CENPW: variants seen among roughly 807,000 people sequenced by gnomAD.
CENPW encodes the protein cancer-up-regulated gene 2 protein.
CENPW carries 3 observed loss-of-function variants against 11.1 expected under a neutral mutation model. The ratio of observed to expected loss-of-function variants is 0.27; its 90% CI spans 0.12 to 0.70. The LOEUF (loss-of-function observed/expected upper bound fraction) is 0.70. Ranked by LOEUF, CENPW falls within the 30% of genes least tolerant of loss-of-function variation. The pLI is 0.77. For synonymous variants in CENPW, 38 were observed against 42.0 expected (o/e 0.91, Z 0.37); for missense variants, 100 against 105.6 (o/e 0.95, Z 0.23).
the CENPW span, among the ~76,000 whole-genome samples, chr6:126,366,617 G>A: frequency 2.0e-5 from 3 of 152,074 alleles, no homozygotes; most frequent in South Asian, 4.1e-4. Flanking sequence ...ACTCAATCTC[G>A]TTAGGCATGT....
At chr6:126,383,994 A>G in the CENPW span, among the ~76,000 whole-genome samples, 1 of 152,176 alleles carries the variant, frequency 6.6e-6, no homozygotes, top group African/African-American at 2.4e-5. Context: ...TGATCACACA[A>G]TCAGACATAA....
At chr6:126,383,380 T>C in the CENPW span, among the ~76,000 whole-genome samples, 1 of 151,968 alleles carries the variant, frequency 6.6e-6, no homozygotes, top group South Asian at 2.1e-4. Context: ...CAGCATAATA[T>C]CCAGCTATTC....
chr6:126,446,831 T>C, the CENPW span, among the ~76,000 whole-genome samples: 1 of 151,216 alleles, frequency 6.6e-6, no homozygotes. Flanking sequence ...GGTTTGATAT[T>C]GTGAGGATCT....
chr6:126,479,738 C>T, the CENPW span, among the ~76,000 whole-genome samples: 1 of 151,894 alleles, frequency 6.6e-6, no homozygotes, highest in Non-Finnish European at 1.5e-5. Context: ...TATAACCTTC[C>T]ACTTGTTATA....
chr6:126,456,878 G>C, the CENPW span, among the ~76,000 whole-genome samples: 1 of 151,442 alleles, frequency 6.6e-6, no homozygotes, highest in Non-Finnish European at 1.5e-5. Flanking sequence ...CATTAAATAT[G>C]GGCAAAGGAC....
chr6:126,349,884 T>C (rs969041087), downstream of CENPW, among the ~76,000 whole-genome samples: 1 of 152,146 alleles, frequency 6.6e-6, no homozygotes, highest in African/African-American at 2.4e-5. Context: ...TGAATCTTGC[T>C]GTGTCACTTA....
the CENPW span, among the ~76,000 whole-genome samples, chr6:126,428,911 G>C: frequency 6.6e-6 from 1 of 151,948 alleles, no homozygotes; most frequent in Non-Finnish European, 1.5e-5. Flanking sequence ...TTTTGCTACT[G>C]TTTTTGTATG....
chr6:126,354,925 C>A, the CENPW span, among the ~76,000 whole-genome samples: 2 of 152,108 alleles, frequency 1.3e-5, no homozygotes, highest in African/African-American at 4.8e-5. Flanking sequence ...GGAAACCCCT[C>A]AATCCTAAGC....
At chr6:126,406,227 T>C in the CENPW span, among the ~76,000 whole-genome samples, 2 of 151,862 alleles carry the variant, frequency 1.3e-5, no homozygotes, top group East Asian at 2.0e-4. Flanking sequence ...CTTTTTTTCT[T>C]CATTCTGTTG....
the CENPW span, among the ~76,000 whole-genome samples, chr6:126,426,556 A>G: frequency 6.6e-6 from 1 of 152,224 alleles, no homozygotes; most frequent in Non-Finnish European, 1.5e-5. Flanking sequence ...TCAATGGAGC[A>G]TACTACATAG....
chr6:126,431,270 AC>A, the CENPW span, among the ~76,000 whole-genome samples: 1 of 152,118 alleles, frequency 6.6e-6, no homozygotes, highest in Admixed American at 6.5e-5. Context: ...GAATGCTCTG[AC>A]CCCAGTGCGT....
At chr6:126,395,945 C>G in the CENPW span, among the ~76,000 whole-genome samples, 1 of 152,112 alleles carries the variant, frequency 6.6e-6, no homozygotes, top group Non-Finnish European at 1.5e-5. Context: ...AACATAAGCC[C>G]CCTGTGGCCA....
the CENPW span, among the ~76,000 whole-genome samples, chr6:126,476,053 C>T: frequency 1.3e-5 from 2 of 151,580 alleles, no homozygotes; most frequent in African/African-American, 4.8e-5. Flanking sequence ...ACTCTTTCTA[C>T]CAGACTGCCA....
At chr6:126,409,664 A>G in the CENPW span, among the ~76,000 whole-genome samples, 1 of 152,118 alleles carries the variant, frequency 6.6e-6, no homozygotes, top group East Asian at 1.9e-4. Context: ...TTATATAATG[A>G]TCTTTTAGTC....
intron 1 of CENPW, among the ~76,000 whole-genome samples, chr6:126,341,767 T>G (rs1780315933): frequency 6.6e-6 from 1 of 152,216 alleles, no homozygotes; most frequent in Non-Finnish European, 1.5e-5. Context: ...AGAGGAAATG[T>G]ACCTGATCAA....
chr6:126,357,122 G>T, the CENPW span, among the ~76,000 whole-genome samples: 68,124 of 151,978 alleles, frequency 0.45, 17,395 homozygotes, highest in East Asian at 0.98. Flanking sequence ...TTTATATGGC[G>T]TAGGAGTGCA....
chr6:126,436,937 G>A, the CENPW span, among the ~76,000 whole-genome samples: 4 of 151,600 alleles, frequency 2.6e-5, no homozygotes, highest in Admixed American at 6.6e-5. Context: ...GATAGTTTAC[G>A]TTGGAGAGTT....
chr6:126,405,515 G>A, the CENPW span, among the ~76,000 whole-genome samples: 1 of 151,834 alleles, frequency 6.6e-6, no homozygotes, highest in Admixed American at 6.6e-5. Flanking sequence ...CAAATTTAAG[G>A]ATTTTTTTTT....
At chr6:126,371,757 A>G in the CENPW span, among the ~76,000 whole-genome samples, 2 of 151,946 alleles carry the variant, frequency 1.3e-5, no homozygotes, top group African/African-American at 4.8e-5. Flanking sequence ...TAATCTCACT[A>G]CCTGTTATTG....
Sources: allele counts gnomAD v4.1 joint callset (sites outside exome capture counted in the v4.1 genomes callset), GRCh38; gene constraint gnomAD v4.1.1; transcripts MANE v1.5; gene names NCBI Gene and HGNC (gene_info 2026-07-23, HGNC 2026-07-21).